The following CLEC2A variants were observed in gnomAD, a reference collection of about 807,000 sequenced individuals.
CLEC2A encodes the protein C-type lectin domain family 2 member A, also known as keratinocyte-associated C-type lectin.
CLEC2A carries 19 observed loss-of-function variants against 18.6 expected under a neutral mutation model. That is an observed-to-expected ratio of 1.02 (90% CI 0.71 to 1.50). The LOEUF is 1.50. Ranked by LOEUF, CLEC2A falls within the 40% of genes most tolerant of loss-of-function variation. The pLI is 0.00. For synonymous variants in CLEC2A, 74 were observed against 64.0 expected, an observed-to-expected ratio of 1.16 and a Z score of -0.75; for missense variants, 190 against 207.9, an observed-to-expected ratio of 0.91 and a Z score of 0.53.
At chr12:9,882,813 AG>A in the CLEC2A span, among the ~76,000 whole-genome samples, 37 of 152,092 alleles carry the variant, frequency 2.4e-4, 1 homozygote, top group Admixed American at 1.9e-3. Context: ...CAGACCCTAA[AG>A]CCCACAGACT....
Position 9,916,746 on chromosome 12 carries a change from G to T in CLEC2A, c.364C>A (p.Gln122Lys). 1.9e-6 allele frequency: 3 copies of T among 1,551,316 alleles called. No homozygotes were observed. Among genetic ancestry groups the T allele is most frequent in the Non-Finnish European group, 2.6e-6 (3 of 1,146,618 alleles). Reference sequence around the variant, plus strand: ...TTTGTCCATTTCCAAGAATCTCCTTGTTTCCTGCTTAGTCCAATCCAGTGC... The same window carrying T: ...TTTGTCCATTTCCAAGAATCTCCTTTTTTCCTGCTTAGTCCAATCCAGTGC... Reference protein sequence around the residue: ...DMHWIGLSRKQGDSWKWTNGT... With the variant: ...DMHWIGLSRKKGDSWKWTNGT... The change falls in exon 4 of 5, where the codon CAA becomes AAA. Residue 122 changes from glutamine (Q) to lysine (K), a missense_variant. Gln to Lys is a moderately conservative substitution (Grantham distance 53, BLOSUM62 1). Transcript: ENST00000455827.
At chr12:9,923,740 A>G (rs1016001358) in intron 2 of CLEC2A, among the ~76,000 whole-genome samples, 1 of 152,194 alleles carries the variant, frequency 6.6e-6, no homozygotes, top group Non-Finnish European at 1.5e-5. Flanking sequence ...ATGGAATACT[A>G]TGCAGCCTTA....
chr12:9,884,861 C>A, the CLEC2A span: 1 of 478,990 alleles, frequency 2.1e-6, no homozygotes, highest in Non-Finnish European at 3.6e-6. Context: ...TGAGTTGTCT[C>A]TGTAATAAAA....
intron 3 of CLEC2A, among the ~76,000 whole-genome samples, chr12:9,919,936 C>G (rs1399047443): frequency 6.6e-6 from 1 of 152,068 alleles, no homozygotes; most frequent in Non-Finnish European, 1.5e-5. Context: ...TACCCACTTA[C>G]AAGGGCAGTC....
chr12:9,898,986 A>G (rs765064922), intron 4 of CLEC2A: 42 of 713,004 alleles, frequency 5.9e-5, no homozygotes, highest in Non-Finnish European at 9.1e-5. Context: ...CCTGAAAGCA[A>G]GAACAGACAA....
intron 4 of CLEC2A, among the ~76,000 whole-genome samples, chr12:9,901,588 TA>T (rs1192931638): frequency 2.0e-5 from 3 of 152,270 alleles, no homozygotes; most frequent in Non-Finnish European, 4.4e-5. Flanking sequence ...ACATGTCAAA[TA>T]ATCCTGTTTA....
chr12:9,892,903 C>CAAA, the CLEC2A span: 2,592 of 774,238 alleles, frequency 3.3e-3, no homozygotes, highest in Non-Finnish European at 4.1e-3. Context: ...TTTTATTGAC[C>CAAA]AAAAAAAAAA....
downstream of CLEC2A, among the ~76,000 whole-genome samples, chr12:9,910,832 A>T (rs999849049): frequency 6.6e-6 from 1 of 151,978 alleles, no homozygotes; most frequent in Non-Finnish European, 1.5e-5. Flanking sequence ...GCAACGAGAG[A>T]GTGTGACGCA....
chr12:9,904,323 G>A (rs536485150), intron 4 of CLEC2A, among the ~76,000 whole-genome samples: 27 of 152,246 alleles, frequency 1.8e-4, no homozygotes, highest in African/African-American at 5.8e-4. Flanking sequence ...GTGCCTGGTC[G>A]GCTGGAGGAC....
chr12:9,895,822 A>T, downstream of CLEC2A: 1 of 1,532,176 alleles, frequency 6.5e-7, no homozygotes, highest in South Asian at 1.2e-5. Flanking sequence ...CAATGGAACC[A>T]GTGGTGTGTA....
chr12:9,902,290 G>C (rs1403830831), intron 4 of CLEC2A, among the ~76,000 whole-genome samples: 1 of 148,136 alleles, frequency 6.8e-6, no homozygotes, highest in African/African-American at 2.5e-5. Flanking sequence ...CTGGAGTGTA[G>C]TCACACAATC....
chr12:9,917,032 A>C (rs751394965), intron 3 of CLEC2A, among the ~76,000 whole-genome samples: 5 of 152,154 alleles, frequency 3.3e-5, no homozygotes, highest in Non-Finnish European at 5.9e-5. Flanking sequence ...TTGGGCTACA[A>C]CCAAGTCATT....
intron 2 of CLEC2A, among the ~76,000 whole-genome samples, chr12:9,926,029 A>G (rs1339420623): frequency 6.6e-6 from 1 of 152,212 alleles, no homozygotes. Flanking sequence ...TATTTTTCTT[A>G]AGCATCAAGG....
chr12:9,916,016 G>C (rs909994924), intron 4 of CLEC2A, among the ~76,000 whole-genome samples: 17 of 150,936 alleles, frequency 1.1e-4, no homozygotes, highest in African/African-American at 3.7e-4. Context: ...ATAAGGCAGA[G>C]ATACATATGT....
At chr12:9,911,166 T>A (rs1446594251), downstream of CLEC2A, among the ~76,000 whole-genome samples, 1 of 152,030 alleles carries the variant, frequency 6.6e-6, no homozygotes, top group African/African-American at 2.4e-5. Context: ...GTAAGGTAGA[T>A]GAGTGATGGG....
intron 2 of CLEC2A, 142 bp from the exon 3 acceptor site, chr12:9,922,374 T>C: frequency 1.8e-6 from 1 of 565,642 alleles, no homozygotes; most frequent in Non-Finnish European, 2.9e-6. Context: ...TGAGGATGAA[T>C]TAACTTCCCC....
the CLEC2A span, chr12:9,893,014 C>T: frequency 5.4e-5 from 82 of 1,532,692 alleles, no homozygotes; most frequent in Non-Finnish European, 7.0e-5. Flanking sequence ...CTATGTTTTC[C>T]TTTAGGACAC....
intron 2 of CLEC2A, among the ~76,000 whole-genome samples, chr12:9,923,103 C>G (rs946151166): frequency 1.3e-5 from 2 of 152,088 alleles, no homozygotes; most frequent in Non-Finnish European, 2.9e-5. Context: ...TATACATGTG[C>G]CATGGTGGCT....
the CLEC2A span, among the ~76,000 whole-genome samples, chr12:9,884,186 T>C: frequency 1.3e-5 from 2 of 152,104 alleles, no homozygotes; most frequent in African/African-American, 2.4e-5. Context: ...AGGATTATTA[T>C]ACATGCCCCT....
Sources: allele counts gnomAD v4.1 joint callset (sites outside exome capture counted in the v4.1 genomes callset), GRCh38; gene constraint gnomAD v4.1.1; transcripts MANE v1.5; gene names NCBI Gene and HGNC (gene_info 2026-07-23, HGNC 2026-07-21).